Variants in AK5 observed in about 807,000 individuals in gnomAD.
AK5 encodes adenylate kinase 5, also known as adenylate kinase isoenzyme 5.
Under a neutral mutation model 69.5 loss-of-function variants are expected in AK5, and 27 were observed. That is an observed-to-expected ratio of 0.39 (90% CI 0.29 to 0.54). AK5 has a LOEUF of 0.54. Among genes scored for constraint, AK5 ranks in the 20% least tolerant of loss-of-function variants. AK5 has a pLI of 0.71. For synonymous variants in AK5, 260 were observed against 244.4 expected, an observed-to-expected ratio of 1.06 and a Z score of -0.60; for missense variants, 531 against 700.4, an observed-to-expected ratio of 0.76 and a Z score of 2.73.
chr1:77,387,812 G>C (rs927659349), intron 6 of AK5, among the ~76,000 whole-genome samples: 1 of 152,276 alleles, frequency 6.6e-6, no homozygotes, highest in East Asian at 1.9e-4. Context: ...ACAGGACTTG[G>C]TATCTGATTA....
At chr1:77,415,241 T>C (rs989818654) in intron 7 of AK5, among the ~76,000 whole-genome samples, 1 of 152,238 alleles carries the variant, frequency 6.6e-6, no homozygotes, top group Non-Finnish European at 1.5e-5. Flanking sequence ...TTTTCAAGTA[T>C]TAACGTGTAA....
At position 77,502,077 on chromosome 1, in the gene AK5, A is replaced by G. The variant is rs1398818135; in HGVS notation, c.1147+15725A>G. 4.6e-5 allele frequency among the ~76,000 whole-genome samples: 7 copies of G among 152,196 alleles called. No individual in the cohort carries two copies. The South Asian group carries it at 1.0e-3, about 22-fold the overall frequency. On this transcript the variant is annotated intron_variant, in intron 10 of 13. Coordinates refer to ENST00000354567, the MANE Select transcript of AK5 (RefSeq NM_174858.3). The stretch of plus-strand genomic sequence containing the variant: ...TATTAATAATAGATGACTAATAACA[A>G]TTGCCCCACTTGGAACTTTGAATCA...
intron 8 of AK5, among the ~76,000 whole-genome samples, chr1:77,435,445 C>T (rs917893746): frequency 3.3e-5 from 5 of 151,864 alleles, no homozygotes; most frequent in East Asian, 1.9e-4. Flanking sequence ...GTGAAGAGAC[C>T]GAGACCATCG....
intron 7 of AK5, 85 bp downstream of exon 7, chr1:77,411,156 C>T: frequency 9.2e-7 from 1 of 1,084,314 alleles, no homozygotes; most frequent in South Asian, 1.5e-5. Context: ...TGAAGTTCAA[C>T]AAACTGCTGC....
chr1:77,417,516 G>A (rs895025617), intron 7 of AK5, 123 bp from the exon 8 acceptor site: 4 of 672,098 alleles, frequency 6.0e-6, no homozygotes, highest in Non-Finnish European at 1.1e-5. Context: ...GATGAGAACA[G>A]TCTAGAAATG....
chr1:77,336,931 A>T (rs1557506823), intron 5 of AK5, among the ~76,000 whole-genome samples: 1 of 152,162 alleles, frequency 6.6e-6, no homozygotes, highest in Non-Finnish European at 1.5e-5. Flanking sequence ...TGAACTAGTC[A>T]TATGGCATTA....
chr1:77,514,769 A>G (rs1657545216), intron 10 of AK5, among the ~76,000 whole-genome samples: 1 of 152,230 alleles, frequency 6.6e-6, no homozygotes, highest in Non-Finnish European at 1.5e-5. Flanking sequence ...ATTTTAGAGG[A>G]ACAAAAACTG....
intron 8 of AK5, among the ~76,000 whole-genome samples, chr1:77,446,135 C>T (rs1391959306): frequency 1.3e-5 from 2 of 152,154 alleles, no homozygotes; most frequent in Admixed American, 6.5e-5. Context: ...TCCAATTTCA[C>T]TCTTTTGCAA....
intron 6 of AK5, among the ~76,000 whole-genome samples, chr1:77,395,322 C>T (rs1275002179): frequency 1.3e-5 from 2 of 152,184 alleles, no homozygotes; most frequent in African/African-American, 4.8e-5. Flanking sequence ...TTTTGTTTTT[C>T]ACAGGCTTAG....
chr1:77,534,821 C>T (rs978234661), intron 12 of AK5, among the ~76,000 whole-genome samples: 4 of 152,098 alleles, frequency 2.6e-5, no homozygotes, highest in East Asian at 1.9e-4. Context: ...GGCATCAGAG[C>T]GAGACCCCAT....
At chr1:77,403,956 T>C (rs1311085859) in intron 6 of AK5, among the ~76,000 whole-genome samples, 1 of 152,228 alleles carries the variant, frequency 6.6e-6, no homozygotes, top group East Asian at 1.9e-4. Context: ...ATTTGTTTTG[T>C]ATCCTCTTTT....
chr1:77,372,109 A>G (rs976395302), intron 6 of AK5, among the ~76,000 whole-genome samples: 2 of 152,148 alleles, frequency 1.3e-5, no homozygotes, highest in Non-Finnish European at 2.9e-5. Context: ...TTCAAATAAT[A>G]CCACATACTT....
rs949996867 is a variant in AK5 at position 77,282,391 on chromosome 1, C to G, written c.60+18C>G. On this transcript the variant is annotated intron_variant, in intron 1 of 13. Transcript: ENST00000354567. ...TTTTTGAGGTAGGGCTAGAGCTGGC[C>G]GACGGGCGGTAGCATCCGGGGACTG... 4.5e-6 allele frequency: 7 copies of G among 1,539,000 alleles called. No homozygotes were observed. Among genetic ancestry groups the G allele is most frequent in the Non-Finnish European group, 5.3e-6 (6 of 1,141,396 alleles).
At chr1:77,556,112 A>T (rs1338286410) in intron 13 of AK5, among the ~76,000 whole-genome samples, 2 of 152,256 alleles carry the variant, frequency 1.3e-5, no homozygotes, top group African/African-American at 4.8e-5. Context: ...TGTGGGCTAT[A>T]TCATACATAC....
At chr1:77,328,695 T>G (rs1193370061) in intron 5 of AK5, among the ~76,000 whole-genome samples, 1 of 152,176 alleles carries the variant, frequency 6.6e-6, no homozygotes, top group Non-Finnish European at 1.5e-5. Context: ...TCAGCAGATA[T>G]GATTAATTAG....
chr1:77,324,081 A>G (rs550120401), intron 5 of AK5, among the ~76,000 whole-genome samples: 1 of 152,306 alleles, frequency 6.6e-6, no homozygotes, highest in Non-Finnish European at 1.5e-5. Context: ...GCACAATTTG[A>G]AAAGACCCGT....
chr1:77,533,523 A>ACAAAC lies in AK5; in HGVS notation c.1429-2324_1429-2323insCAAAC, dbSNP rs1557659416. 1.1e-3 allele frequency among the ~76,000 whole-genome samples: 169 copies of ACAAAC among 150,058 alleles called. 1 individual carries two copies. Among genetic ancestry groups the ACAAAC allele is most frequent in the African/African-American group, 4.1e-3 (165 of 39,864 alleles). ...GACTCTGTCACCAAAAAAAAAAAAA[A>ACAAAC]AAAAAAAAAAAACAGATTCTGCTTC... On this transcript the variant is annotated intron_variant, in intron 12 of 13. Transcript: ENST00000354567.
intron 12 of AK5, among the ~76,000 whole-genome samples, chr1:77,526,051 C>G (rs1658263042): frequency 6.6e-6 from 1 of 152,122 alleles, no homozygotes; most frequent in Admixed American, 6.5e-5. Context: ...GACATCTTAG[C>G]AATATTAAGC....
At chr1:77,409,924 G>A (rs1649923394) in intron 6 of AK5, among the ~76,000 whole-genome samples, 2 of 152,220 alleles carry the variant, frequency 1.3e-5, no homozygotes, top group South Asian at 4.2e-4. Flanking sequence ...CATATATGGT[G>A]TAAGGAAGGG....
Sources: gnomAD v4.1 joint callset for allele counts (sites outside exome capture counted in the v4.1 genomes callset) on GRCh38, gnomAD v4.1.1 for gene constraint, MANE v1.5 for transcripts, NCBI Gene and HGNC (gene_info 2026-07-23, HGNC 2026-07-21) for gene names.